The following CIB1 variants were observed in gnomAD, a reference collection of about 807,000 sequenced individuals.
The protein encoded by CIB1 is calcium and integrin binding 1.
Under a neutral mutation model 25.0 loss-of-function variants are expected in CIB1, and 19 were observed. The ratio of observed to expected loss-of-function variants is 0.76; its 90% CI spans 0.53 to 1.12. CIB1 has a LOEUF of 1.12. Ranked by LOEUF, CIB1 falls within the 50% of genes most tolerant of loss-of-function variation. The pLI is 0.00. For synonymous variants in CIB1, 104 were observed against 98.5 expected, an observed-to-expected ratio of 1.06 and a Z score of -0.33; for missense variants, 236 against 242.6, an observed-to-expected ratio of 0.97 and a Z score of 0.18.
upstream of CIB1, chr15:90,234,210 T>G: frequency 3.6e-6 from 1 of 279,532 alleles, no homozygotes; most frequent in Non-Finnish European, 6.7e-6. Flanking sequence ...GCTGGCTGCG[T>G]ATGCGTCACG....
At chr15:90,260,008 G>C in the CIB1 span, among the ~76,000 whole-genome samples, 1 of 152,174 alleles carries the variant, frequency 6.6e-6, no homozygotes, top group Non-Finnish European at 1.5e-5. Context: ...CAGGGCCTGG[G>C]ACACCGTAAG....
chr15:90,248,706 A>G, the CIB1 span, among the ~76,000 whole-genome samples: 1 of 126,582 alleles, frequency 7.9e-6, no homozygotes, highest in Admixed American at 1.0e-4. Context: ...GCTACAAAGC[A>G]AGACCCTGTC....
At chr15:90,258,627 T>C in the CIB1 span, 3 of 890,652 alleles carry the variant, frequency 3.4e-6, no homozygotes, top group African/African-American at 5.0e-5. Flanking sequence ...GCATCCAGCC[T>C]CCCCGGCTGA....
Position 90,231,402 on chromosome 15 carries a change from T to C in CIB1, c.301A>G (p.Thr101Ala), listed in dbSNP as rs766344209. ...TGGGACTTGATGTCTGGCGTGGCTG[T>C]GTCACTGAACACACTGAGGAGATCC... ...FLDLLSVFSD[T>A]ATPDIKSHYA... The change falls in exon 4 of 7, where the codon ACA (threonine) becomes GCA (alanine). Residue 101 changes from threonine to alanine, a missense_variant. Thr to Ala is a moderately conservative substitution (Grantham distance 58). Coordinates refer to ENST00000328649, the MANE Select transcript of CIB1 (RefSeq NM_006384.4). 2 of 1,614,196 alleles carry C rather than the reference T, an allele frequency of 1.2e-6. No homozygotes were observed. The highest frequency in any genetic ancestry group is 2.2e-5 in the South Asian group (2 of 91,082).
At chr15:90,262,612 A>C in the CIB1 span, 1 of 1,532,186 alleles carries the variant, frequency 6.5e-7, no homozygotes, top group South Asian at 1.2e-5. Context: ...GACCCAGGGC[A>C]GGGCTCCAGA....
chr15:90,263,535 TG>T, the CIB1 span: 2 of 551,782 alleles, frequency 3.6e-6, no homozygotes, highest in African/African-American at 3.7e-5. Flanking sequence ...TAAACAGATT[TG>T]GGCCAACAAA....
At chr15:90,234,617 G>T (rs1429875157), upstream of CIB1, 1 of 151,908 alleles carries the variant, frequency 6.6e-6, no homozygotes, top group East Asian at 1.9e-4. Flanking sequence ...ATTTTACAAA[G>T]ATGGAAATAC....
At chr15:90,257,381 A>G in the CIB1 span, 1 of 1,477,328 alleles carries the variant, frequency 6.8e-7, no homozygotes, top group South Asian at 1.3e-5. Flanking sequence ...CCAAAGAACA[A>G]GGAATGAAGC....
At chr15:90,253,008 C>T in the CIB1 span, among the ~76,000 whole-genome samples, 1 of 152,058 alleles carries the variant, frequency 6.6e-6, no homozygotes, top group East Asian at 1.9e-4. Context: ...AAAAAACAAA[C>T]AAACAAACAA....
At chr15:90,240,826 A>T in the CIB1 span, 27 of 972,416 alleles carry the variant, frequency 2.8e-5, 1 homozygote, top group African/African-American at 1.2e-4. Flanking sequence ...AAAAAAAAAT[A>T]AATAAATAAA....
At chr15:90,241,851 G>T in the CIB1 span, 2 of 1,614,162 alleles carry the variant, frequency 1.2e-6, no homozygotes, top group Non-Finnish European at 8.5e-7. Context: ...AATTCTGTGG[G>T]CCCGGAAGTC....
At chr15:90,263,144 G>A in the CIB1 span, 306 of 1,523,892 alleles carry the variant, frequency 2.0e-4, no homozygotes, top group African/African-American at 3.3e-3. Flanking sequence ...CATGAGAGTC[G>A]GGTGAGGGTC....
chr15:90,230,429 C>G lies in CIB1; in HGVS notation c.*55G>C. The stretch of plus-strand genomic sequence containing the variant: ...AACACAGGCTTGACCTTGGCCACAG[C>G]TCAGCAGTAGAAAGGTTCTTGGACA... On this transcript the variant is annotated 3_prime_UTR_variant, in exon 7 of 7. Coordinates refer to ENST00000328649, the MANE Select transcript of CIB1 (RefSeq NM_006384.4). 6.5e-7 allele frequency: 1 copy of G among 1,547,538 alleles called. No homozygotes were observed. Among genetic ancestry groups the G allele is most frequent in the Non-Finnish European group, 8.7e-7 (1 of 1,143,998 alleles).
At chr15:90,265,733 C>G in the CIB1 span, 4 of 1,613,278 alleles carry the variant, frequency 2.5e-6, no homozygotes, top group African/African-American at 4.0e-5. Context: ...CCCTGAGTCT[C>G]TTGCTGGGCG....
chr15:90,232,424 G>A, intron 2 of CIB1, 97 bp from the exon 3 acceptor site: 1 of 1,461,476 alleles, frequency 6.8e-7, no homozygotes, highest in East Asian at 2.5e-5. Context: ...AACCAGGTGA[G>A]GAGCTAAAAC....
chr15:90,256,585 CTTTCTTTCTTTCTTTCT>C, the CIB1 span, among the ~76,000 whole-genome samples: 1 of 34,584 alleles, frequency 2.9e-5, no homozygotes. Flanking sequence ...TTCTTTCTTT[CTTTCTTTCTTTCTTTCT>C]TTCTTTCCTT....
At chr15:90,263,967 AGG>A in the CIB1 span, 15 of 1,535,906 alleles carry the variant, frequency 9.8e-6, no homozygotes, top group Non-Finnish European at 1.3e-5. Flanking sequence ...TCAACTGGAC[AGG>A]AGAGCCGGCA....
At chr15:90,235,663 G>A (rs1179120862), upstream of CIB1, among the ~76,000 whole-genome samples, 1 of 151,958 alleles carries the variant, frequency 6.6e-6, no homozygotes, top group Admixed American at 6.6e-5. Context: ...CGCCTCCTGG[G>A]TTCACGCCAT....
upstream of CIB1, among the ~76,000 whole-genome samples, chr15:90,235,526 TA>T (rs938077807): frequency 2.0e-5 from 3 of 150,712 alleles, no homozygotes; most frequent in East Asian, 1.9e-4. Flanking sequence ...AAAATAAAAA[TA>T]AAAAAAAATA....
Sources: allele counts gnomAD v4.1 joint callset (sites outside exome capture counted in the v4.1 genomes callset), GRCh38; gene constraint gnomAD v4.1.1; transcripts MANE v1.5; gene names NCBI Gene and HGNC (gene_info 2026-07-23, HGNC 2026-07-21).